The following FOXP4 variants were observed in gnomAD, a reference collection of about 807,000 sequenced individuals.
The protein encoded by FOXP4 is forkhead box protein P4.
Under a neutral mutation model 82.6 loss-of-function variants are expected in FOXP4, and 25 were observed. The observed-to-expected ratio is 0.30, with a 90% CI of 0.22 to 0.42. The LOEUF is 0.42. Ranked by LOEUF, FOXP4 falls within the 10% of genes least tolerant of loss-of-function variation. FOXP4 has a pLI of 1.00. For synonymous variants in FOXP4, 415 were observed against 388.2 expected (o/e 1.07, Z -0.81); for missense variants, 785 against 900.9 (o/e 0.87, Z 1.65).
chr6:41,585,472 G>A lies in FOXP4; in HGVS notation c.465G>A (p.Leu155=). 2 of 1,613,914 alleles carry A rather than the reference G, an allele frequency of 1.2e-6. No individual in the cohort carries two copies. Among genetic ancestry groups the A allele is most frequent in the Non-Finnish European group, 1.7e-6 (2 of 1,179,910 alleles). Residue 155 remains leucine (L), a synonymous_variant, in exon 5 of 17, where the codon CTG becomes CTA. Coordinates refer to ENST00000307972, the MANE Select transcript of FOXP4 (RefSeq NM_001012426.2). ...AGAAGCAGCAGGAGCAGCTCCACCT[G>A]CAGCTCCTCACCCAGCAGCAGGCTG... ...YYKKQQEQLH[L]QLLTQQQAGK...
intron 14 of FOXP4, among the ~76,000 whole-genome samples, chr6:41,596,054 C>A (rs1013051547): frequency 5.9e-5 from 9 of 152,220 alleles, no homozygotes; most frequent in African/African-American, 2.2e-4. Flanking sequence ...CCCACCACCA[C>A]ACCCAGCTAA....
intron 1 of FOXP4, among the ~76,000 whole-genome samples, 175 bp from the exon 2 acceptor site, chr6:41,565,570 G>A (rs1334080083): frequency 1.3e-5 from 2 of 152,176 alleles, no homozygotes; most frequent in Non-Finnish European, 2.9e-5. Context: ...CACCTGGGGG[G>A]ACATCGGGAG....
chr6:41,568,111 A>C (rs934251412), intron 2 of FOXP4, among the ~76,000 whole-genome samples: 16 of 152,214 alleles, frequency 1.1e-4, no homozygotes. Context: ...CTTCAAGGGT[A>C]ACATTTTCTG....
intron 5 of FOXP4, among the ~76,000 whole-genome samples, chr6:41,585,922 C>T: frequency 6.6e-6 from 1 of 151,938 alleles, no homozygotes; most frequent in Non-Finnish European, 1.5e-5. Flanking sequence ...AGCAAACCAC[C>T]TCCCCTTACC....
At chr6:41,575,285 A>T (rs1765414475) in intron 2 of FOXP4, among the ~76,000 whole-genome samples, 1 of 152,158 alleles carries the variant, frequency 6.6e-6, no homozygotes, top group Non-Finnish European at 1.5e-5. Context: ...TTTATATTAG[A>T]GGCTATCATC....
chr6:41,568,605 C>A (rs1408027165), intron 2 of FOXP4, among the ~76,000 whole-genome samples: 1 of 152,212 alleles, frequency 6.6e-6, no homozygotes, highest in Non-Finnish European at 1.5e-5. Flanking sequence ...CCCTAAGTAG[C>A]CACTCTAGTG....
intron 3 of FOXP4, among the ~76,000 whole-genome samples, chr6:41,580,228 T>C (rs1765722155): frequency 6.6e-6 from 1 of 151,766 alleles, no homozygotes; most frequent in African/African-American, 2.4e-5. Flanking sequence ...TTTAGTAGGG[T>C]TGTATTTTTA....
Position 41,589,829 on chromosome 6 carries a change from C to G in FOXP4, c.1124C>G (p.Ser375Trp). The change falls in exon 10 of 17, where the codon TCG becomes TGG. Residue 375 changes from serine to tryptophan, a missense_variant. Ser to Trp is a radical substitution (Grantham distance 177, BLOSUM62 -3). This residue lies in a region of FOXP4 where 570 missense variants were observed against 634.0 expected (regional missense o/e 0.90). Coordinates refer to ENST00000307972, the MANE Select transcript of FOXP4 (RefSeq NM_001012426.2). ...ATGGCCCACCTGCACATGCGGCCCT[C>G]GGAGCCCAAGCCCTTCAGCCAGCCA... is the stretch of plus-strand genomic sequence containing the variant. Reference protein sequence around the residue: ...AMMAHLHMRPSEPKPFSQPLN... With the variant: ...AMMAHLHMRPWEPKPFSQPLN... The G allele has an allele frequency of 2.5e-6, 4 of 1,610,822 alleles. No homozygotes were observed. Among genetic ancestry groups the G allele is most frequent in the Non-Finnish European group, 1.7e-6 (2 of 1,179,936 alleles).
chr6:41,590,132 G>A lies in FOXP4; in HGVS notation c.1319G>A (p.Arg440Gln), dbSNP rs576059149. 31 of 1,610,422 alleles carry A rather than the reference G, an allele frequency of 1.9e-5. No individual in the cohort carries two copies. Among genetic ancestry groups the A allele is most frequent in the East Asian group, 4.5e-5 (2 of 44,754 alleles). ...ASLHGGGPAR[R>Q]RSSDKFCSPI... ...CTGCATGGTGGGGGCCCAGCCCGTC[G>A]GAGAAGCAGTGACAAGTTCTGCTCC... The change falls in exon 11 of 17, where the codon CGG (arginine) becomes CAG (glutamine). Residue 440 changes from arginine (R) to glutamine (Q), a missense_variant. This residue lies in a region of FOXP4 where 570 missense variants were observed against 634.0 expected (regional missense o/e 0.90). Coordinates refer to ENST00000307972, the MANE Select transcript of FOXP4 (RefSeq NM_001012426.2).
Position 41,590,131 on chromosome 6 carries a change from C to T in FOXP4, c.1318C>T (p.Arg440Trp), listed in dbSNP as rs1766417141. ...CCTGCATGGTGGGGGCCCAGCCCGTCGGAGAAGCAGTGACAAGTTCTGCTC... is the reference window on the plus strand; with the variant it reads ...CCTGCATGGTGGGGGCCCAGCCCGTTGGAGAAGCAGTGACAAGTTCTGCTC... ...ASLHGGGPAR[R>W]RSSDKFCSPI... Residue 440 changes from arginine (R) to tryptophan (W), a missense_variant, in exon 11 of 17, where the codon CGG becomes TGG. By Grantham distance (101) the Arg-to-Trp change is moderately radical. This residue lies in a region of FOXP4 where 570 missense variants were observed against 634.0 expected (regional missense o/e 0.90). Coordinates refer to ENST00000307972, the MANE Select transcript of FOXP4 (RefSeq NM_001012426.2). 5 of 1,610,562 alleles carry T rather than the reference C, an allele frequency of 3.1e-6. No individual in the cohort carries two copies. The highest frequency in any genetic ancestry group is 2.7e-5 in the African/African-American group (2 of 75,000).
intron 1 of FOXP4, among the ~76,000 whole-genome samples, chr6:41,564,775 G>GTCAAAA (rs529183635): frequency 1.4e-3 from 211 of 152,324 alleles, no homozygotes; most frequent in African/African-American, 4.4e-3. Flanking sequence ...CCAGGTGCTA[G>GTCAAAA]GCTGAGGGCT....
intron 1 of FOXP4, among the ~76,000 whole-genome samples, chr6:41,552,591 C>A (rs758844035): frequency 1.3e-5 from 2 of 152,162 alleles, no homozygotes; most frequent in South Asian, 4.1e-4. Context: ...TTTAACTGAG[C>A]GCATCAGTTC....
chr6:41,565,322 T>C (rs528804672), intron 1 of FOXP4, among the ~76,000 whole-genome samples: 12 of 152,312 alleles, frequency 7.9e-5, no homozygotes, highest in African/African-American at 2.6e-4. Context: ...ATCGCACCAC[T>C]GCACTCTAGC....
intron 1 of FOXP4, among the ~76,000 whole-genome samples, chr6:41,554,769 A>G (rs190553588): frequency 1.5e-3 from 222 of 152,082 alleles, no homozygotes; most frequent in African/African-American, 5.0e-3. Context: ...CTGAGGCAGG[A>G]GAATTGCTTG....
chr6:41,551,906 G>T lies in FOXP4; in HGVS notation c.-17+5039G>T, dbSNP rs150484732. Reference sequence around the variant, plus strand: ...GGCAGCAGGAGGGACCCGGAGAAGGGGTGGCTCACATGCAACTTGGAAAAT... The same window carrying T: ...GGCAGCAGGAGGGACCCGGAGAAGGTGTGGCTCACATGCAACTTGGAAAAT... On this transcript the variant is annotated intron_variant, in intron 1 of 16. Coordinates refer to ENST00000307972, the MANE Select transcript of FOXP4 (RefSeq NM_001012426.2). Among the ~76,000 whole-genome samples, 201 of 152,272 alleles carry T rather than the reference G, an allele frequency of 1.3e-3. No individual in the cohort carries two copies. The South Asian group carries it at 0.015, about 11-fold the overall frequency.
chr6:41,578,510 G>A (rs1285017979), intron 3 of FOXP4, among the ~76,000 whole-genome samples: 1 of 152,010 alleles, frequency 6.6e-6, no homozygotes, highest in Non-Finnish European at 1.5e-5. Flanking sequence ...CTGCAGTCAC[G>A]TCACCAAGTC....
intron 16 of FOXP4, among the ~76,000 whole-genome samples, chr6:41,598,362 G>GT (rs371425133): frequency 0.012 from 1,774 of 151,840 alleles, 14 homozygotes; most frequent in Non-Finnish European, 0.018. Context: ...AATTATAGGT[G>GT]CCTGCCACCA....
intron 1 of FOXP4, among the ~76,000 whole-genome samples, chr6:41,565,509 G>C (rs1264116924): frequency 1.3e-5 from 2 of 152,134 alleles, no homozygotes; most frequent in Non-Finnish European, 2.9e-5. Context: ...ACCCCAGCAC[G>C]AGGTCTCCTA....
rs187881079 is a variant in FOXP4 at position 41,584,051 on chromosome 6, C to T, written c.301-718C>T. On this transcript the variant is annotated intron_variant, in intron 3 of 16. Transcript: ENST00000307972. ...AGCCAGCTCAGTGCAGAGTTAGGAGCGGAAGCCTGCCCTGCTAACTCCCTG... is the reference window on the plus strand; with the variant it reads ...AGCCAGCTCAGTGCAGAGTTAGGAGTGGAAGCCTGCCCTGCTAACTCCCTG... 5.3e-5 allele frequency among the ~76,000 whole-genome samples: 8 copies of T among 152,310 alleles called. No individual in the cohort carries two copies. In the East Asian group the frequency reaches 7.7e-4, roughly 15 times the overall value.
Sources: allele counts gnomAD v4.1 joint callset (sites outside exome capture counted in the v4.1 genomes callset), GRCh38; gene constraint gnomAD v4.1.1; regional missense constraint gnomAD v4.1.1; transcripts MANE v1.5; gene names NCBI Gene and HGNC (gene_info 2026-07-23, HGNC 2026-07-21).